The following SNAPC3 variants were observed in gnomAD, a reference collection of about 807,000 sequenced individuals.
SNAPC3 encodes the protein small nuclear RNA activating complex polypeptide 3, also known as snRNA-activating protein complex subunit 3.
SNAPC3 carries 56 observed loss-of-function variants against 47.7 expected under a neutral mutation model. That is an observed-to-expected ratio of 1.18 (90% CI 0.95 to 1.47). The LOEUF (loss-of-function observed/expected upper bound fraction) is 1.47, where lower values mean the gene tolerates loss of function less well. Among genes scored for constraint, SNAPC3 ranks in the 40% most tolerant of loss-of-function variants. The pLI, the probability that SNAPC3 is intolerant of heterozygous loss-of-function variation, is 0.00. For missense variants in SNAPC3, 665 were observed against 511.3 expected (o/e 1.30, Z -2.90); for synonymous variants, 235 against 189.9 (o/e 1.24, Z -1.95).
chr9:15,449,698 G>A (rs1203458134), intron 5 of SNAPC3, among the ~76,000 whole-genome samples: 1 of 150,012 alleles, frequency 6.7e-6, no homozygotes, highest in African/African-American at 2.5e-5. Flanking sequence ...AGCCCCATGA[G>A]TAGCTGGAAT....
chr9:15,462,282 A>G (rs1398448919), downstream of SNAPC3: 3 of 152,220 alleles, frequency 2.0e-5, no homozygotes, highest in African/African-American at 4.8e-5. Context: ...TTTTCATCAA[A>G]GACTCAGGTA....
At chr9:15,466,570 CTG>C (rs1491083157), downstream of SNAPC3, among the ~76,000 whole-genome samples, 3 of 152,190 alleles carry the variant, frequency 2.0e-5, no homozygotes, top group Admixed American at 2.0e-4. Flanking sequence ...GGCAAAGTCA[CTG>C]TCAATAAAAG....
At chr9:15,450,540 T>G (rs2034310798) in intron 5 of SNAPC3, among the ~76,000 whole-genome samples, 1 of 152,120 alleles carries the variant, frequency 6.6e-6, no homozygotes, top group Non-Finnish European at 1.5e-5. Context: ...CATACCAAAA[T>G]CACAAAGCTA....
chr9:15,445,636 A>AATC (rs138407654), intron 4 of SNAPC3, among the ~76,000 whole-genome samples: 2 of 151,658 alleles, frequency 1.3e-5, no homozygotes, highest in Admixed American at 6.6e-5. Flanking sequence ...AGTTAATACT[A>AATC]ATCTTATTTG....
At chr9:15,458,888 T>C (rs1410235976) in intron 8 of SNAPC3, among the ~76,000 whole-genome samples, 1 of 152,202 alleles carries the variant, frequency 6.6e-6, no homozygotes, top group Non-Finnish European at 1.5e-5. Flanking sequence ...AAATGATCAT[T>C]GGAGCATTTT....
intron 3 of SNAPC3, among the ~76,000 whole-genome samples, chr9:15,443,886 A>C: frequency 6.6e-6 from 1 of 152,194 alleles, no homozygotes; most frequent in East Asian, 1.9e-4. Flanking sequence ...TCTCGTCATC[A>C]AACACTCCCC....
rs79851773 is a variant in SNAPC3 at position 15,436,253 on chromosome 9, A to G, written c.477+2617A>G. Among the ~76,000 whole-genome samples the G allele has an allele frequency of 2.7e-3, 415 of 152,316 alleles. 11 individuals carry two copies. The East Asian group carries it at 0.075, about 27-fold the overall frequency. On this transcript the variant is annotated intron_variant, in intron 3 of 8. Coordinates refer to ENST00000380821, the MANE Select transcript of SNAPC3 (RefSeq NM_001039697.2). ...TTGCTTTTGATGTCATACTTAAAAC[A>G]TTGCCAGATGCAGCATCATGAAGAT...
chr9:15,425,167 G>A (rs1251252122), intron 2 of SNAPC3, among the ~76,000 whole-genome samples: 5 of 152,130 alleles, frequency 3.3e-5, no homozygotes, highest in Non-Finnish European at 7.4e-5. Context: ...AGATGGCTCA[G>A]GATGCATGTG....
At chr9:15,458,534 GCTTCATCAATAAAA>G (rs1443411241) in intron 8 of SNAPC3, among the ~76,000 whole-genome samples, 4 of 152,200 alleles carry the variant, frequency 2.6e-5, no homozygotes, top group South Asian at 2.1e-4. Flanking sequence ...TACATAATCA[GCTTCATCAATAAAA>G]CTTCATCAAT....
intron 2 of SNAPC3, among the ~76,000 whole-genome samples, chr9:15,433,351 A>G (rs2032402330): frequency 6.6e-6 from 1 of 152,086 alleles, no homozygotes; most frequent in Non-Finnish European, 1.5e-5. Context: ...GTAAGAATTT[A>G]TTTCCTGTTC....
intron 5 of SNAPC3, among the ~76,000 whole-genome samples, chr9:15,448,317 T>A (rs894184134): frequency 1.3e-5 from 2 of 152,222 alleles, no homozygotes; most frequent in Admixed American, 6.5e-5. Flanking sequence ...AACTGTTTAC[T>A]TGCTGCCTTT....
At chr9:15,452,745 A>G (rs1034869738) in intron 6 of SNAPC3, among the ~76,000 whole-genome samples, 1 of 152,232 alleles carries the variant, frequency 6.6e-6, no homozygotes, top group Non-Finnish European at 1.5e-5. Flanking sequence ...ATCTCATTAC[A>G]TACTAACATT....
chr9:15,454,315 A>G (rs2034614075), intron 7 of SNAPC3, among the ~76,000 whole-genome samples: 1 of 152,210 alleles, frequency 6.6e-6, no homozygotes, highest in Non-Finnish European at 1.5e-5. Context: ...CTCTTCTCCA[A>G]AATTTTGTAT....
At chr9:15,456,497 T>C (rs893499940) in intron 7 of SNAPC3, among the ~76,000 whole-genome samples, 13 of 152,010 alleles carry the variant, frequency 8.6e-5, no homozygotes, top group Admixed American at 1.3e-4. Context: ...AGAGGGGATG[T>C]CACTCTGTTG....
At chr9:15,449,759 T>C (rs948093684) in intron 5 of SNAPC3, among the ~76,000 whole-genome samples, 1 of 151,286 alleles carries the variant, frequency 6.6e-6, no homozygotes, top group East Asian at 2.0e-4. Context: ...TTAGTAGAGA[T>C]GGGGTTTCTC....
At chr9:15,440,805 T>C (rs1421445546) in intron 3 of SNAPC3, among the ~76,000 whole-genome samples, 2 of 151,854 alleles carry the variant, frequency 1.3e-5, no homozygotes, top group Non-Finnish European at 2.9e-5. Flanking sequence ...AAAAATTAGC[T>C]GGGCGCGGTG....
chr9:15,444,765 ATTAT>A, intron 4 of SNAPC3, 59 bp downstream of exon 4: 1 of 925,016 alleles, frequency 1.1e-6, no homozygotes. Context: ...AAAGTGTTTA[ATTAT>A]TTGAAGAGTC....
intron 5 of SNAPC3, among the ~76,000 whole-genome samples, chr9:15,448,691 A>C (rs2034131110): frequency 6.6e-6 from 1 of 152,224 alleles, no homozygotes; most frequent in Admixed American, 6.5e-5. Context: ...AGTTATGCTG[A>C]AAATGGTTTT....
downstream of SNAPC3, chr9:15,465,557 GTC>G (rs748249493): frequency 3.0e-4 from 471 of 1,585,444 alleles, 1 homozygote; most frequent in Middle Eastern, 1.5e-3. Context: ...AGATATTTCA[GTC>G]TCTCTCTCTT....
Sources: allele counts gnomAD v4.1 joint callset (sites outside exome capture counted in the v4.1 genomes callset), GRCh38; gene constraint gnomAD v4.1.1; transcripts MANE v1.5; gene names NCBI Gene and HGNC (gene_info 2026-07-23, HGNC 2026-07-21).